The following LRRN2 variants were observed in gnomAD, a reference collection of about 807,000 sequenced individuals.
LRRN2 encodes the protein leucine rich repeat neuronal 2, also known as leucine-rich repeat neuronal protein 2.
A neutral mutation model predicts 35.7 loss-of-function variants in LRRN2; 10 were observed. The observed-to-expected ratio is 0.28, with a 90% CI of 0.17 to 0.47. LRRN2 has a LOEUF of 0.47. Among genes scored for constraint, LRRN2 ranks in the 20% least tolerant of loss-of-function variants. The pLI is 0.99. For synonymous variants in LRRN2, 391 were observed against 409.6 expected, an observed-to-expected ratio of 0.95 and a Z score of 0.55; for missense variants, 731 against 940.3, an observed-to-expected ratio of 0.78 and a Z score of 2.91.
intron 1 of LRRN2, among the ~76,000 whole-genome samples, chr1:204,679,806 G>GC (rs1386318442): frequency 1.4e-4 from 21 of 152,198 alleles, no homozygotes; most frequent in African/African-American, 4.8e-4. Context: ...GCTCCATGTG[G>GC]CCCCGAGGCA....
intron 1 of LRRN2, among the ~76,000 whole-genome samples, chr1:204,626,483 A>G (rs1271170463): frequency 3.3e-5 from 5 of 151,490 alleles, no homozygotes; most frequent in Non-Finnish European, 7.4e-5. Context: ...CCCAACTTCA[A>G]CTATTCAACT....
At chr1:204,681,236 C>T (rs977118130) in intron 1 of LRRN2, among the ~76,000 whole-genome samples, 66 of 152,276 alleles carry the variant, frequency 4.3e-4, no homozygotes, top group African/African-American at 1.6e-3. Flanking sequence ...AGGTGTGAAC[C>T]ACCAAGCCTG....
chr1:204,646,558 C>T (rs1668112338), intron 1 of LRRN2, among the ~76,000 whole-genome samples: 2 of 151,992 alleles, frequency 1.3e-5, no homozygotes, highest in Admixed American at 1.3e-4. Flanking sequence ...GCTGCCAAGG[C>T]TAGATTTTCT....
chr1:204,668,307 C>T (rs371089422), intron 1 of LRRN2, among the ~76,000 whole-genome samples: 69 of 152,232 alleles, frequency 4.5e-4, no homozygotes, highest in African/African-American at 1.5e-3. Flanking sequence ...AGAGATAGCA[C>T]GGAAAGGCCA....
intron 1 of LRRN2, among the ~76,000 whole-genome samples, chr1:204,632,054 C>T (rs1667718100): frequency 6.6e-6 from 1 of 151,438 alleles, no homozygotes; most frequent in South Asian, 2.1e-4. Flanking sequence ...AACCCTGTCT[C>T]TACCAAAAAA....
chr1:204,683,760 C>G (rs1669004455), intron 1 of LRRN2, among the ~76,000 whole-genome samples: 1 of 152,102 alleles, frequency 6.6e-6, no homozygotes. Flanking sequence ...GAGAGCCCTC[C>G]GCAAGAAGGA....
At chr1:204,661,103 A>G (rs766647673) in intron 1 of LRRN2, among the ~76,000 whole-genome samples, 25 of 152,088 alleles carry the variant, frequency 1.6e-4, no homozygotes, top group Admixed American at 1.2e-3. Context: ...TTGATTGATT[A>G]ATTTTTTTCT....
chr1:204,630,381 G>A (rs931697243), intron 1 of LRRN2, among the ~76,000 whole-genome samples: 1 of 152,152 alleles, frequency 6.6e-6, no homozygotes, highest in Admixed American at 6.5e-5. Context: ...CAGAGAATGG[G>A]GAGCAGCCCA....
Position 204,676,718 on chromosome 1 carries a change from G to A in LRRN2, c.-227+8602C>T, listed in dbSNP as rs1429833125. 2.6e-5 allele frequency among the ~76,000 whole-genome samples: 4 copies of A among 152,222 alleles called. No individual in the cohort carries two copies. In the South Asian group the frequency reaches 6.2e-4, roughly 24 times the overall value. ...TCTATCATATGTCCCAGGGGATCCC[G>A]GAAAAGAAATGTGATGAGGTAGGAG... On this transcript the variant is annotated intron_variant, in intron 1 of 1. Transcript: ENST00000367177.
chr1:204,628,092 A>T (rs912066143), intron 1 of LRRN2: 1 of 152,206 alleles, frequency 6.6e-6, no homozygotes, highest in Non-Finnish European at 1.5e-5. Context: ...TTCCTTCCTG[A>T]CAGGAAAGAG....
chr1:204,682,310 C>T (rs1668973518), intron 1 of LRRN2, among the ~76,000 whole-genome samples: 2 of 152,196 alleles, frequency 1.3e-5, no homozygotes, highest in Non-Finnish European at 2.9e-5. Context: ...AGGAAGCCTT[C>T]CTTGATCACT....
At chr1:204,685,166 G>A (rs906813217) in intron 1 of LRRN2, among the ~76,000 whole-genome samples, 154 bp downstream of exon 1, 15 of 152,312 alleles carry the variant, frequency 9.8e-5, no homozygotes, top group African/African-American at 3.4e-4. Flanking sequence ...CGGGTCAGGC[G>A]GAGCTGCGGT....
At chr1:204,670,884 T>C (rs1668695167) in intron 1 of LRRN2, among the ~76,000 whole-genome samples, 1 of 152,174 alleles carries the variant, frequency 6.6e-6, no homozygotes, top group South Asian at 2.1e-4. Flanking sequence ...AGAATGCTGT[T>C]GCAGCCAACC....
At chr1:204,646,205 G>A (rs1668102383) in intron 1 of LRRN2, among the ~76,000 whole-genome samples, 1 of 152,144 alleles carries the variant, frequency 6.6e-6, no homozygotes, top group Non-Finnish European at 1.5e-5. Context: ...GCGTGGACCA[G>A]GCTGCCTGGA....
At chr1:204,658,803 T>C (rs572173963) in intron 1 of LRRN2, among the ~76,000 whole-genome samples, 2 of 152,364 alleles carry the variant, frequency 1.3e-5, no homozygotes, top group East Asian at 3.8e-4. Flanking sequence ...CATTTCTTAT[T>C]CGCTTTCATC....
chr1:204,623,324 A>T lies in LRRN2; in HGVS notation c.-226-3106T>A, dbSNP rs375530385. Among the ~76,000 whole-genome samples, 87 of 152,132 alleles carry T rather than the reference A, an allele frequency of 5.7e-4. 1 individual carries two copies. In the South Asian group the frequency reaches 0.018, roughly 31 times the overall value. ...AGGAACCATTTAAAACTTCATTGAAACCCTCCAGGCACTTGCCTTTCCCCT... is the reference window on the plus strand; with the variant it reads ...AGGAACCATTTAAAACTTCATTGAATCCCTCCAGGCACTTGCCTTTCCCCT... On this transcript the variant is annotated intron_variant, in intron 1 of 1. Transcript: ENST00000367177.
At chr1:204,632,016 T>C (rs934593012) in intron 1 of LRRN2, among the ~76,000 whole-genome samples, 1 of 151,704 alleles carries the variant, frequency 6.6e-6, no homozygotes, top group Admixed American at 6.6e-5. Flanking sequence ...AGTCCAGGAG[T>C]TTGAGACCAG....
At chr1:204,652,167 A>C (rs999930738) in intron 1 of LRRN2, among the ~76,000 whole-genome samples, 1 of 152,084 alleles carries the variant, frequency 6.6e-6, no homozygotes, top group Admixed American at 6.5e-5. Context: ...GTGAGCCTGA[A>C]GAATGCCTGA....
intron 1 of LRRN2, among the ~76,000 whole-genome samples, chr1:204,661,872 A>C (rs1668479965): frequency 6.6e-6 from 1 of 152,162 alleles, no homozygotes; most frequent in Non-Finnish European, 1.5e-5. Flanking sequence ...AGGGATGAGA[A>C]TCTCTCTGAG....
Sources: gnomAD v4.1 joint callset for allele counts (sites outside exome capture counted in the v4.1 genomes callset) on GRCh38, gnomAD v4.1.1 for gene constraint, MANE v1.5 for transcripts, NCBI Gene and HGNC (gene_info 2026-07-23, HGNC 2026-07-21) for gene names.